The following KDM4C variants were observed in gnomAD, a reference collection of about 807,000 sequenced individuals.
The protein encoded by KDM4C is lysine-specific demethylase 4C.
Under a neutral mutation model 129.3 loss-of-function variants are expected in KDM4C, and 81 were observed. That is an observed-to-expected ratio of 0.63 (90% CI 0.52 to 0.75). The LOEUF is 0.75. Ranked by LOEUF, KDM4C falls within the 30% of genes least tolerant of loss-of-function variation. The pLI is 0.00. For synonymous variants in KDM4C, 573 were observed against 456.1 expected (o/e 1.26, Z -3.26); for missense variants, 1,457 against 1,304.0 (o/e 1.12, Z -1.81).
intron 4 of KDM4C, among the ~76,000 whole-genome samples, chr9:6,836,515 T>A (rs1376388486): frequency 2.0e-5 from 3 of 152,232 alleles, no homozygotes; most frequent in South Asian, 2.1e-4. Flanking sequence ...ACAGCACTGC[T>A]CAGGGACCAA....
In KDM4C at chr9:6,758,619, T is replaced by G. The variant is rs533151719; in HGVS notation, c.-18+416T>G. ...CTCGGGGCCCTCCCTTCCCTGGGAG[T>G]GTCACGACCCGCGGGGTGAGGGTGG... On this transcript the variant is annotated intron_variant, in intron 1 of 21. Coordinates refer to ENST00000381309, the MANE Select transcript of KDM4C (RefSeq NM_015061.6). This position sits in a 1 kb window ranked among gnomAD's most constrained non-coding sequence, Gnocchi z 4.6. Among the ~76,000 whole-genome samples, 3 of 152,084 alleles carry G rather than the reference T, an allele frequency of 2.0e-5. No individual in the cohort carries two copies. The East Asian group carries it at 5.8e-4, about 30-fold the overall frequency.
intron 19 of KDM4C, among the ~76,000 whole-genome samples, chr9:7,144,840 G>C (rs1336203428): frequency 2.0e-5 from 3 of 152,258 alleles, no homozygotes; most frequent in Non-Finnish European, 2.9e-5. Context: ...GTCAAAGGGA[G>C]CTAAGCTATT....
At chr9:6,901,360 A>C (rs776075833) in intron 8 of KDM4C, among the ~76,000 whole-genome samples, 1 of 152,182 alleles carries the variant, frequency 6.6e-6, no homozygotes, top group Non-Finnish European at 1.5e-5. Flanking sequence ...TTATCTCAAA[A>C]GGGCTCTTAC....
At chr9:6,830,745 G>A (rs1177324554) in intron 4 of KDM4C, among the ~76,000 whole-genome samples, 2 of 152,176 alleles carry the variant, frequency 1.3e-5, no homozygotes, top group Non-Finnish European at 2.9e-5. Context: ...GAGGCCACTG[G>A]AAGTACCTTA....
chr9:7,146,376 A>G (rs965555521), intron 19 of KDM4C, among the ~76,000 whole-genome samples: 10 of 152,170 alleles, frequency 6.6e-5, no homozygotes, highest in African/African-American at 9.7e-5. Flanking sequence ...TCTGAGAACT[A>G]CTTATATCCT....
chr9:6,751,313 G>A (rs1050919748), intron 1 of KDM4C, among the ~76,000 whole-genome samples: 1 of 152,116 alleles, frequency 6.6e-6, no homozygotes, highest in Admixed American at 6.6e-5. Flanking sequence ...AGGCATGGTG[G>A]TGCACACCTG....
At chr9:6,968,357 C>G (rs570545400) in intron 8 of KDM4C, among the ~76,000 whole-genome samples, 4 of 151,920 alleles carry the variant, frequency 2.6e-5, no homozygotes, top group Non-Finnish European at 4.4e-5. Context: ...CAATTACTTG[C>G]CATTGAGGAA....
At chr9:6,927,089 T>TTCTTTCTTTCTATCTA (rs147161681) in intron 8 of KDM4C, among the ~76,000 whole-genome samples, 3 of 145,086 alleles carry the variant, frequency 2.1e-5, no homozygotes, top group Non-Finnish European at 4.5e-5. Context: ...AAAAAAAATT[T>TTCTTTCTTTCTATCTA]TCTATCTATC....
intron 19 of KDM4C, among the ~76,000 whole-genome samples, chr9:7,154,276 A>T (rs549562626): frequency 2.0e-5 from 3 of 152,328 alleles, no homozygotes; most frequent in Admixed American, 6.5e-5. Context: ...TTATCTCTGG[A>T]AACGATAGCA....
chr9:7,104,616 G>A (rs966728479), intron 18 of KDM4C, among the ~76,000 whole-genome samples: 8 of 152,054 alleles, frequency 5.3e-5, no homozygotes, highest in Non-Finnish European at 8.8e-5. Flanking sequence ...TATTATGACA[G>A]CGTAGAGATA....
intron 19 of KDM4C, among the ~76,000 whole-genome samples, chr9:7,164,942 T>G (rs183983242): frequency 6.6e-6 from 1 of 152,324 alleles, no homozygotes; most frequent in East Asian, 1.9e-4. Flanking sequence ...CTAAAGCGGT[T>G]TCTATGCATA....
intron 7 of KDM4C, among the ~76,000 whole-genome samples, chr9:6,890,420 G>C (rs1845950306): frequency 6.6e-6 from 1 of 152,134 alleles, no homozygotes; most frequent in Non-Finnish European, 1.5e-5. Flanking sequence ...TAATGTCTCA[G>C]TTGGAATACA....
At chr9:6,935,779 G>C (rs1466422438) in intron 8 of KDM4C, among the ~76,000 whole-genome samples, 2 of 152,104 alleles carry the variant, frequency 1.3e-5, no homozygotes, top group African/African-American at 4.8e-5. Flanking sequence ...TTTGTAGTTT[G>C]TGTTATGTGT....
At position 7,035,726 on chromosome 9, in the gene KDM4C, T is replaced by C. The variant is rs144920612; in HGVS notation, c.2260-11136T>C. Among the ~76,000 whole-genome samples the C allele has an allele frequency of 9.7e-4, 147 of 152,256 alleles. 1 individual carries two copies. The highest frequency in any genetic ancestry group is 4.6e-3 in the South Asian group (22 of 4,822). On this transcript the variant is annotated intron_variant, in intron 15 of 21. Coordinates refer to ENST00000381309, the MANE Select transcript of KDM4C (RefSeq NM_015061.6). ...TGTGGATATCCAATTTTTCCGGCAC[T>C]GTTCATTGAAGAGACTGTCAATTCC...
chr9:7,134,539 G>A (rs16925459), intron 19 of KDM4C, among the ~76,000 whole-genome samples: 35,253 of 151,920 alleles, frequency 0.23, 4,266 homozygotes, highest in East Asian at 0.47. Context: ...ATTTTTCTAG[G>A]CATTTAATGC....
At chr9:6,732,807 G>A (rs1207876630) in intron 1 of KDM4C, among the ~76,000 whole-genome samples, 4 of 152,196 alleles carry the variant, frequency 2.6e-5, no homozygotes, top group Non-Finnish European at 4.4e-5. Flanking sequence ...GAGGTCAGGA[G>A]TTCGAGACCA....
intron 8 of KDM4C, among the ~76,000 whole-genome samples, chr9:6,950,491 A>G (rs1827939061): frequency 6.6e-6 from 1 of 152,218 alleles, no homozygotes; most frequent in South Asian, 2.1e-4. Context: ...TATTTATGTG[A>G]AAACCTGTAC....
rs1845308337 is a variant in KDM4C, at chr9:7,174,914, A to G, written c.*185A>G. 2.0e-6 allele frequency: 1 copy of G among 510,496 alleles called. No individual in the cohort carries two copies. Among genetic ancestry groups the G allele is most frequent in the African/African-American group, 1.9e-5 (1 of 53,302 alleles). 31.6% of individuals were successfully genotyped at this position (510,496 alleles called of 1,614,324 possible). On this transcript the variant is annotated 3_prime_UTR_variant, in exon 22 of 22. Transcript: ENST00000381309. Reference sequence around the variant, plus strand: ...AAAATACACCCAATGAATTGGACGCAGCAATCTGAAATCATCTCTAGTCTT... The same window carrying G: ...AAAATACACCCAATGAATTGGACGCGGCAATCTGAAATCATCTCTAGTCTT...
At chr9:6,812,068 C>G (rs963245419) in intron 3 of KDM4C, among the ~76,000 whole-genome samples, 1 of 152,016 alleles carries the variant, frequency 6.6e-6, no homozygotes, top group Non-Finnish European at 1.5e-5. Context: ...CTTTATCTTT[C>G]TCTCTTAGAG....
Sources: allele counts gnomAD v4.1 joint callset (sites outside exome capture counted in the v4.1 genomes callset), GRCh38; gene constraint gnomAD v4.1.1; non-coding constraint Gnocchi (gnomAD v3.1); transcripts MANE v1.5; gene names NCBI Gene and HGNC (gene_info 2026-07-23, HGNC 2026-07-21).